Variants in PDE1A observed in about 807,000 individuals in gnomAD.
PDE1A encodes the protein dual specificity calcium/calmodulin-dependent 3',5'-cyclic nucleotide phosphodiesterase 1A.
Under a neutral mutation model 61.7 loss-of-function variants are expected in PDE1A, and 35 were observed. The observed-to-expected ratio is 0.57, with a 90% CI of 0.43 to 0.75. The LOEUF is 0.75. Ranked by LOEUF, PDE1A falls within the 30% of genes least tolerant of loss-of-function variation. The pLI is 0.00. For missense variants in PDE1A, 597 were observed against 630.6 expected, an observed-to-expected ratio of 0.95 and a Z score of 0.57; for synonymous variants, 232 against 213.2, an observed-to-expected ratio of 1.09 and a Z score of -0.77.
chr2:182,421,611 G>A (rs142874670), intron 1 of PDE1A, among the ~76,000 whole-genome samples: 280 of 152,120 alleles, frequency 1.8e-3, no homozygotes, highest in African/African-American at 6.5e-3. Context: ...ATAAATGCCT[G>A]GCATTAAATT....
chr2:182,533,689 A>G, the PDE1A span, among the ~76,000 whole-genome samples: 1 of 152,264 alleles, frequency 6.6e-6, no homozygotes, highest in African/African-American at 2.4e-5. Context: ...TTACAATGGA[A>G]TATCAAAAAA....
At chr2:182,351,073 G>A (rs1470507432) in intron 1 of PDE1A, among the ~76,000 whole-genome samples, 1 of 152,180 alleles carries the variant, frequency 6.6e-6, no homozygotes, top group East Asian at 1.9e-4. Context: ...AGCACACTGA[G>A]CAACAGAACG....
the PDE1A span, among the ~76,000 whole-genome samples, chr2:182,626,858 T>C: frequency 1.2e-3 from 44 of 37,702 alleles, 4 homozygotes; most frequent in African/African-American, 1.6e-3. Context: ...CATATATATA[T>C]ACATATATAT....
At chr2:182,343,960 C>T (rs1197141475) in intron 1 of PDE1A, among the ~76,000 whole-genome samples, 3 of 151,734 alleles carry the variant, frequency 2.0e-5, no homozygotes, top group African/African-American at 7.3e-5. Flanking sequence ...GCCTCAACCT[C>T]CCTGGGCTCA....
At chr2:182,555,846 A>T in the PDE1A span, among the ~76,000 whole-genome samples, 1 of 151,718 alleles carries the variant, frequency 6.6e-6, no homozygotes, top group African/African-American at 2.4e-5. Context: ...AGGCACCTGC[A>T]ATCCCGGCTA....
chr2:182,554,746 T>C, the PDE1A span, among the ~76,000 whole-genome samples: 7 of 152,332 alleles, frequency 4.6e-5, no homozygotes, highest in East Asian at 1.2e-3. Flanking sequence ...GTCATTATTA[T>C]TATTAGTTTC....
chr2:182,295,824 C>A (rs1009233960), intron 1 of PDE1A, among the ~76,000 whole-genome samples: 1 of 151,782 alleles, frequency 6.6e-6, no homozygotes, highest in Admixed American at 6.6e-5. Context: ...AATGAAGAAA[C>A]CTGGATGTTG....
At chr2:182,649,316 C>A in the PDE1A span, among the ~76,000 whole-genome samples, 1 of 152,126 alleles carries the variant, frequency 6.6e-6, no homozygotes, top group African/African-American at 2.4e-5. Flanking sequence ...GCAACATGAG[C>A]TATTCCTAAC....
chr2:182,569,254 A>ATATATATATATATATATATAT, the PDE1A span, among the ~76,000 whole-genome samples: 1 of 138,590 alleles, frequency 7.2e-6, no homozygotes, highest in Non-Finnish European at 1.6e-5. Flanking sequence ...ACCTGTCTCA[A>ATATATATATATATATATATAT]ATATATATAT....
intron 1 of PDE1A, among the ~76,000 whole-genome samples, chr2:182,287,716 G>T (rs1035904746): frequency 2.6e-5 from 4 of 152,082 alleles, no homozygotes; most frequent in Non-Finnish European, 4.4e-5. Context: ...GAAACAAACT[G>T]GTCAAATTAT....
At chr2:182,643,096 A>T in the PDE1A span, among the ~76,000 whole-genome samples, 1 of 152,102 alleles carries the variant, frequency 6.6e-6, no homozygotes. Flanking sequence ...GGCAGCCTTA[A>T]CCTTTGCTTC....
the PDE1A span, among the ~76,000 whole-genome samples, chr2:182,624,274 G>C: frequency 2.0e-5 from 3 of 152,116 alleles, no homozygotes; most frequent in Non-Finnish European, 4.4e-5. Context: ...CCTCCTGCTA[G>C]CTACTATGCT....
the PDE1A span, among the ~76,000 whole-genome samples, chr2:182,701,015 CCTGA>C: frequency 2.1e-5 from 3 of 143,134 alleles, no homozygotes; most frequent in African/African-American, 2.4e-5. Flanking sequence ...CTGTTTACTT[CCTGA>C]CTTTCTGTTT....
downstream of PDE1A, among the ~76,000 whole-genome samples, chr2:182,165,904 G>A (rs1691629136): frequency 6.6e-6 from 1 of 151,976 alleles, no homozygotes; most frequent in African/African-American, 2.4e-5. Flanking sequence ...ATCAGCATTT[G>A]AATACTGTTA....
chr2:182,551,843 G>A, the PDE1A span, among the ~76,000 whole-genome samples: 1 of 152,212 alleles, frequency 6.6e-6, no homozygotes, highest in Non-Finnish European at 1.5e-5. Flanking sequence ...AAGGTAGATA[G>A]AAGGCTTAGG....
chr2:182,642,420 G>A, the PDE1A span, among the ~76,000 whole-genome samples: 2 of 152,144 alleles, frequency 1.3e-5, no homozygotes, highest in African/African-American at 2.4e-5. Context: ...ATGGCTGCAG[G>A]TATCCCTAAG....
chr2:182,143,726 A>G (rs1300132605), downstream of PDE1A, among the ~76,000 whole-genome samples: 1 of 152,170 alleles, frequency 6.6e-6, no homozygotes, highest in African/African-American at 2.4e-5. Context: ...CGTGTTAGCC[A>G]GGATGGTCTC....
the PDE1A span, among the ~76,000 whole-genome samples, chr2:182,691,100 C>G: frequency 8.9e-3 from 1,363 of 152,310 alleles, 14 homozygotes; most frequent in South Asian, 0.054. Context: ...AATGGCCATA[C>G]AGCCCAAGGT....
At chr2:182,209,345 A>AC (rs1475696535) in intron 7 of PDE1A, among the ~76,000 whole-genome samples, 1 of 151,794 alleles carries the variant, frequency 6.6e-6, no homozygotes, top group Non-Finnish European at 1.5e-5. Flanking sequence ...GGGGGAAACC[A>AC]CCCCCATGAT....
Sources: gnomAD v4.1 joint callset for allele counts (sites outside exome capture counted in the v4.1 genomes callset) on GRCh38, gnomAD v4.1.1 for gene constraint, MANE v1.5 for transcripts, NCBI Gene and HGNC (gene_info 2026-07-23, HGNC 2026-07-21) for gene names.